Variants in UNC5B observed in about 807,000 individuals in gnomAD.
The protein encoded by UNC5B is netrin receptor UNC5B.
UNC5B carries 56 observed loss-of-function variants against 103.7 expected under a neutral mutation model. The observed-to-expected ratio is 0.54, with a 90% confidence interval of 0.44 to 0.67. The LOEUF (loss-of-function observed/expected upper bound fraction) is 0.67. UNC5B is among the 30% of genes least tolerant of loss of function. The pLI, the probability that UNC5B is intolerant of heterozygous loss-of-function variation, is 0.00. For missense variants in UNC5B, 1,194 were observed against 1,284.5 expected, an observed-to-expected ratio of 0.93 and a Z score of 1.08; for synonymous variants, 577 against 542.0, an observed-to-expected ratio of 1.06 and a Z score of -0.90.
At chr10:71,235,226 C>A (rs1843753206) in intron 1 of UNC5B, among the ~76,000 whole-genome samples, 1 of 152,214 alleles carries the variant, frequency 6.6e-6, no homozygotes, top group South Asian at 2.1e-4. Flanking sequence ...CAGCCCCTCG[C>A]TAGGGGAGCC....
At chr10:71,236,800 G>C (rs1464463477) in intron 1 of UNC5B, among the ~76,000 whole-genome samples, 1 of 152,214 alleles carries the variant, frequency 6.6e-6, no homozygotes, top group African/African-American at 2.4e-5. Flanking sequence ...AGGCCAGAGG[G>C]ACCCTGGTCC....
intron 1 of UNC5B, among the ~76,000 whole-genome samples, chr10:71,258,438 C>T (rs1039473665): frequency 6.6e-6 from 1 of 152,142 alleles, no homozygotes; most frequent in Non-Finnish European, 1.5e-5. Context: ...ATTTTTGTTT[C>T]TTGAGGGTCC....
chr10:71,289,110 C>A, intron 8 of UNC5B, 120 bp downstream of exon 8: 2 of 1,328,534 alleles, frequency 1.5e-6, no homozygotes, highest in Non-Finnish European at 2.1e-6. Flanking sequence ...CCACCCCCCA[C>A]GGGATCATCT....
intron 1 of UNC5B, among the ~76,000 whole-genome samples, chr10:71,268,399 CTGTT>C (rs762123388): frequency 1.1e-4 from 17 of 152,346 alleles, no homozygotes; most frequent in East Asian, 7.7e-4. Flanking sequence ...CAGCCACAGA[CTGTT>C]TGTTTGCCCT....
At chr10:71,261,832 G>C (rs891261744) in intron 1 of UNC5B, among the ~76,000 whole-genome samples, 6 of 152,158 alleles carry the variant, frequency 3.9e-5, no homozygotes, top group African/African-American at 1.2e-4. Flanking sequence ...CCTGTCCACA[G>C]GGTTGCTGTG....
At chr10:71,256,830 A>C (rs1343022983) in intron 1 of UNC5B, among the ~76,000 whole-genome samples, 6 of 152,356 alleles carry the variant, frequency 3.9e-5, no homozygotes, top group Non-Finnish European at 5.9e-5. Context: ...AGGGTCAGGG[A>C]CTTGTCCAGG....
Position 71,291,414 on chromosome 10 carries a change from T to C in UNC5B, c.1295-18T>C, listed in dbSNP as rs746911045. 6.3e-7 allele frequency: 1 copy of C among 1,579,670 alleles called. No individual in the cohort carries two copies. Among genetic ancestry groups the C allele is most frequent in the South Asian group, 1.2e-5 (1 of 84,380 alleles). On this transcript the variant is annotated intron_variant, in intron 9 of 16. Coordinates refer to ENST00000335350, the MANE Select transcript of UNC5B (RefSeq NM_170744.5). ...GCTGAGGCACAGCTGGGTCTGACTA[T>C]AGCCCCTACTCCTGCAGGCAACCCG... is the stretch of plus-strand genomic sequence containing the variant.
intron 10 of UNC5B, 72 bp from the exon 11 acceptor site, chr10:71,292,395 G>C: frequency 3.0e-6 from 4 of 1,350,050 alleles, no homozygotes; most frequent in Non-Finnish European, 4.1e-6. Flanking sequence ...CCAGCCCCAA[G>C]CTGGGGCCAA....
intron 13 of UNC5B, among the ~76,000 whole-genome samples, chr10:71,295,245 G>A (rs12244208): frequency 0.052 from 7,972 of 152,290 alleles, 440 homozygotes; most frequent in African/African-American, 0.14. Flanking sequence ...GTCCTGGGGC[G>A]TTGGCTAATG....
chr10:71,224,240 G>GACACAC (rs956873758), intron 1 of UNC5B, among the ~76,000 whole-genome samples: 2 of 137,816 alleles, frequency 1.5e-5, no homozygotes, highest in African/African-American at 5.5e-5. Context: ...CACAGACACA[G>GACACAC]ACACACACAC....
intron 1 of UNC5B, among the ~76,000 whole-genome samples, chr10:71,231,137 G>T (rs1843673785): frequency 1.3e-5 from 2 of 152,164 alleles, no homozygotes; most frequent in South Asian, 4.1e-4. Context: ...TATAAGCTGT[G>T]CATCGTAAAG....
chr10:71,280,598 A>T (rs1844900385), intron 2 of UNC5B, among the ~76,000 whole-genome samples: 1 of 152,160 alleles, frequency 6.6e-6, no homozygotes, highest in African/African-American at 2.4e-5. Context: ...AGAGGAGAGC[A>T]GCTGAAACTG....
intron 8 of UNC5B, among the ~76,000 whole-genome samples, chr10:71,290,192 A>T (rs1490619567): frequency 6.6e-6 from 1 of 152,194 alleles, no homozygotes; most frequent in African/African-American, 2.4e-5. Context: ...TGCATACGGG[A>T]CAGTGCAGCC....
chr10:71,285,168 C>G (rs1845038508), intron 3 of UNC5B, among the ~76,000 whole-genome samples, 158 bp from the exon 4 acceptor site: 1 of 152,210 alleles, frequency 6.6e-6, no homozygotes, highest in Admixed American at 6.5e-5. Flanking sequence ...CCTAGTGAGA[C>G]CCCTCCTTTG....
At chr10:71,230,423 G>C (rs542558646) in intron 1 of UNC5B, among the ~76,000 whole-genome samples, 3 of 152,342 alleles carry the variant, frequency 2.0e-5, no homozygotes, top group Admixed American at 1.3e-4. Flanking sequence ...GTGGACATCA[G>C]ACTGAGCAGA....
intron 2 of UNC5B, among the ~76,000 whole-genome samples, chr10:71,284,123 G>A (rs1229311758): frequency 3.3e-5 from 5 of 152,232 alleles, no homozygotes; most frequent in Admixed American, 2.6e-4. Context: ...CGGGCACAGT[G>A]GTGGGAGTGC....
Position 71,251,376 on chromosome 10 carries a change from T to C in UNC5B, c.80-28445T>C, listed in dbSNP as rs553940874. 1.4e-4 allele frequency among the ~76,000 whole-genome samples: 21 copies of C among 152,256 alleles called. No homozygotes were observed. The South Asian group carries it at 3.7e-3, about 27-fold the overall frequency. On this transcript the variant is annotated intron_variant, in intron 1 of 16. Coordinates refer to ENST00000335350, the MANE Select transcript of UNC5B (RefSeq NM_170744.5). The stretch of plus-strand genomic sequence containing the variant: ...ACTTTTAAACTTTCACCTTTTGATA[T>C]AGTAGGTGGTAGGTACAATAGAAAC...
intron 1 of UNC5B, among the ~76,000 whole-genome samples, chr10:71,225,278 TG>T (rs1351562712): frequency 2.6e-5 from 4 of 152,122 alleles, no homozygotes; most frequent in Admixed American, 2.6e-4. Flanking sequence ...CGGGGGTCGC[TG>T]ATCTGAGGCA....
chr10:71,252,158 C>A (rs373320646), intron 1 of UNC5B, among the ~76,000 whole-genome samples: 83 of 152,346 alleles, frequency 5.4e-4, no homozygotes, highest in African/African-American at 1.9e-3. Context: ...TTTTCCAGGT[C>A]TAGTCCCTAT....
Sources: gnomAD v4.1 joint callset for allele counts (sites outside exome capture counted in the v4.1 genomes callset) on GRCh38, gnomAD v4.1.1 for gene constraint, MANE v1.5 for transcripts, NCBI Gene and HGNC (gene_info 2026-07-23, HGNC 2026-07-21) for gene names.